LANCL2: variants seen among roughly 807,000 people sequenced by gnomAD.
LANCL2 encodes the protein lanC-like protein 2.
In LANCL2, 33 loss-of-function variants were observed where a neutral mutation model predicts 56.9. The ratio of observed to expected loss-of-function variants is 0.58; its 90% CI spans 0.44 to 0.78. The LOEUF (loss-of-function observed/expected upper bound fraction) is 0.78, where lower values mean the gene tolerates loss of function less well. LANCL2 is among the 30% of genes least tolerant of loss of function. The probability of loss-of-function intolerance (pLI) is 0.00; values close to 1 mark genes in which losing one functional copy is unlikely to be tolerated. For synonymous variants in LANCL2, 233 were observed against 228.2 expected (o/e 1.02, Z -0.19); for missense variants, 562 against 580.2 (o/e 0.97, Z 0.32).
At chr7:55,399,331 T>A (rs547145222) in intron 3 of LANCL2, among the ~76,000 whole-genome samples, 31 of 144,438 alleles carry the variant, frequency 2.1e-4, no homozygotes, top group African/African-American at 7.8e-4. Context: ...CAAGCATTGG[T>A]GACATTGCAG....
intron 2 of LANCL2, among the ~76,000 whole-genome samples, chr7:55,397,883 T>C (rs1790273748): frequency 6.6e-6 from 1 of 152,020 alleles, no homozygotes; most frequent in Non-Finnish European, 1.5e-5. Context: ...GCTCCAGAAA[T>C]GGCGAGTTCA....
At chr7:55,384,446 G>A (rs1007086335) in intron 1 of LANCL2, among the ~76,000 whole-genome samples, 1 of 152,162 alleles carries the variant, frequency 6.6e-6, no homozygotes, top group African/African-American at 2.4e-5. Flanking sequence ...CAGCTACTTG[G>A]GGGGCTGAGG....
chr7:55,430,063 C>T (rs1158181743), intron 8 of LANCL2, among the ~76,000 whole-genome samples: 1 of 152,262 alleles, frequency 6.6e-6, no homozygotes, highest in African/African-American at 2.4e-5. Flanking sequence ...GCCCACACAC[C>T]TGAGCAGGAA....
chr7:55,397,510 GGAT>G (rs1279265861), intron 2 of LANCL2, among the ~76,000 whole-genome samples: 1 of 129,786 alleles, frequency 7.7e-6, no homozygotes. Context: ...AAGCAGAGTA[GGAT>G]ATTATTAGAC....
intron 5 of LANCL2, among the ~76,000 whole-genome samples, chr7:55,405,991 A>T (rs1790402157): frequency 6.6e-6 from 1 of 152,124 alleles, no homozygotes; most frequent in Admixed American, 6.5e-5. Flanking sequence ...TGTGGAAAGG[A>T]GGGCTTTGTT....
chr7:55,410,906 A>G (rs183601011), intron 5 of LANCL2, among the ~76,000 whole-genome samples: 95 of 150,658 alleles, frequency 6.3e-4, no homozygotes, highest in African/African-American at 2.2e-3. Flanking sequence ...TTAACATGTC[A>G]CCCTAAGATG....
At chr7:55,395,324 A>G (rs775329799) in intron 2 of LANCL2, among the ~76,000 whole-genome samples, 9 of 152,248 alleles carry the variant, frequency 5.9e-5, no homozygotes, top group Non-Finnish European at 8.8e-5. Context: ...AGTACTTTCA[A>G]CATTCATTTT....
At chr7:55,373,311 G>C (rs1789966355) in intron 1 of LANCL2, among the ~76,000 whole-genome samples, 1 of 121,518 alleles carries the variant, frequency 8.2e-6, no homozygotes, top group South Asian at 2.6e-4. Context: ...ATTTATTTGA[G>C]ACAGGGTCTC....
chr7:55,416,980 T>TGG (rs1357834929), intron 6 of LANCL2, among the ~76,000 whole-genome samples: 2 of 131,422 alleles, frequency 1.5e-5, no homozygotes, highest in South Asian at 2.5e-4. Flanking sequence ...TTTTTTTTTT[T>TGG]TTTTTTTTTT....
chr7:55,398,452 C>G lies in LANCL2; in HGVS notation c.352C>G (p.Arg118Gly). The G allele has an allele frequency of 4.3e-6, 7 of 1,613,850 alleles. No individual in the cohort carries two copies. Among genetic ancestry groups the G allele is most frequent in the Non-Finnish European group, 5.9e-6 (7 of 1,179,796 alleles). ...AGCCCTTTTGTACCTGCAGTTGTAC[C>G]GGGTCACATGTGACCAAACCTACCT... ...GIALLYLQLY[R>G]VTCDQTYLLR... Residue 118 changes from arginine to glycine, a missense_variant, in exon 3 of 9, where the codon CGG (arginine) becomes GGG (glycine). Around this residue, in one of 2 missense-constraint regions of LANCL2, gnomAD observed 378 missense variants for 468.4 expected, o/e 0.81. Transcript: ENST00000254770.
chr7:55,388,139 T>C (rs753289637), intron 1 of LANCL2, among the ~76,000 whole-genome samples: 25 of 152,190 alleles, frequency 1.6e-4, no homozygotes, highest in Non-Finnish European at 2.9e-4. Context: ...CGGGCCATAA[T>C]ATGTAACCAG....
chr7:55,418,846 AT>A (rs539077088), intron 6 of LANCL2, among the ~76,000 whole-genome samples: 5 of 150,600 alleles, frequency 3.3e-5, no homozygotes, highest in Non-Finnish European at 7.4e-5. Context: ...GAATTTTGTC[AT>A]TTTTTTTTCC....
rs775773203 is a variant in LANCL2 at position 55,425,436 on chromosome 7, G to C, written c.1185+6G>C. ...ACCTCTACCGAGCTTGCAAGGTGAGGGTGGCTCTGTTGGAACTGCTTCTGA... is the reference window on the plus strand; with the variant it reads ...ACCTCTACCGAGCTTGCAAGGTGAGCGTGGCTCTGTTGGAACTGCTTCTGA... On this transcript the variant is annotated splice_donor_region_variant and intron_variant, in intron 7 of 8. Coordinates refer to ENST00000254770, the MANE Select transcript of LANCL2 (RefSeq NM_018697.4). The C allele has an allele frequency of 1.9e-6, 3 of 1,613,570 alleles. No homozygotes were observed. The African/African-American group carries it at 4.0e-5, about 22-fold the overall frequency.
intron 1 of LANCL2, among the ~76,000 whole-genome samples, chr7:55,369,077 C>T (rs190691076): frequency 2.0e-5 from 3 of 152,270 alleles, no homozygotes; most frequent in East Asian, 3.9e-4. Context: ...CAGCCAACAC[C>T]AGAAACTAGG....
At chr7:55,370,832 G>A (rs934550471) in intron 1 of LANCL2, among the ~76,000 whole-genome samples, 2 of 152,128 alleles carry the variant, frequency 1.3e-5, no homozygotes, top group African/African-American at 4.8e-5. Context: ...GGAGTATTGA[G>A]GCCGAAGACA....
chr7:55,393,429 C>T (rs970824555), intron 2 of LANCL2, among the ~76,000 whole-genome samples: 11 of 152,148 alleles, frequency 7.2e-5, no homozygotes, highest in Admixed American at 3.3e-4. Context: ...CTACTGGGAA[C>T]GCTGAAGCAG....
rs139491484 is a variant in LANCL2 at position 55,392,333 on chromosome 7, C to T, written c.322+423C>T. ...TAAAGATTTTATATCTTTTTTTTTT[C>T]TTTTTTTTTTTTTGAGACGGAGTCT... On this transcript the variant is annotated intron_variant, in intron 2 of 8. Coordinates refer to ENST00000254770, the MANE Select transcript of LANCL2 (RefSeq NM_018697.4). 5.2e-3 allele frequency among the ~76,000 whole-genome samples: 707 copies of T among 136,240 alleles called. 6 individuals are homozygous for T. Among genetic ancestry groups the T allele is most frequent in the Middle Eastern group, 0.023 (6 of 266 alleles). The allele number at this position is 136,240 out of a possible 152,430, so 89.4% of individuals were successfully genotyped here. A position where few individuals can be genotyped will look rare whatever the true frequency, so the allele number is the denominator to read the frequency against.
chr7:55,395,401 A>C (rs1562862014), intron 2 of LANCL2, among the ~76,000 whole-genome samples: 1 of 152,192 alleles, frequency 6.6e-6, no homozygotes, highest in East Asian at 1.9e-4. Flanking sequence ...ATGGCTAGAC[A>C]GTAAGAGCAT....
intron 1 of LANCL2, among the ~76,000 whole-genome samples, chr7:55,369,567 T>C (rs563031697): frequency 6.6e-6 from 1 of 152,338 alleles, no homozygotes; most frequent in African/African-American, 2.4e-5. Context: ...ATGGAAAGCC[T>C]GTGACGCAGA....
Sources: allele counts gnomAD v4.1 joint callset (sites outside exome capture counted in the v4.1 genomes callset), GRCh38; gene constraint gnomAD v4.1.1; regional missense constraint gnomAD v4.1.1; transcripts MANE v1.5; gene names NCBI Gene and HGNC (gene_info 2026-07-23, HGNC 2026-07-21).